Variants in CLNK observed in about 807,000 individuals in gnomAD.
CLNK encodes cytokine dependent hematopoietic cell linker, also known as cytokine-dependent hematopoietic cell linker.
In CLNK, 74 loss-of-function variants were observed where a neutral mutation model predicts 68.6. The ratio of observed to expected loss-of-function variants is 1.08; its 90% CI spans 0.89 to 1.31. The LOEUF is 1.31. CLNK is among the 50% of genes most tolerant of loss of function. CLNK has a pLI of 0.00. For missense variants in CLNK, 553 were observed against 515.3 expected, an observed-to-expected ratio of 1.07 and a Z score of -0.71; for synonymous variants, 198 against 172.2, an observed-to-expected ratio of 1.15 and a Z score of -1.17.
chr4:10,580,811 G>C (rs2108834352), intron 4 of CLNK, among the ~76,000 whole-genome samples: 1 of 152,192 alleles, frequency 6.6e-6, no homozygotes, highest in Non-Finnish European at 1.5e-5. Flanking sequence ...AATTGTAAAA[G>C]TTATGGTAAC....
chr4:10,591,001 C>A (rs536204856), intron 3 of CLNK, among the ~76,000 whole-genome samples: 2 of 152,072 alleles, frequency 1.3e-5, no homozygotes, highest in African/African-American at 4.8e-5. Flanking sequence ...GGAGTGCCAC[C>A]GAGTCTGTCT....
chr4:10,600,326 C>T (rs1174572020), intron 2 of CLNK, among the ~76,000 whole-genome samples: 1 of 152,190 alleles, frequency 6.6e-6, no homozygotes, highest in Non-Finnish European at 1.5e-5. Flanking sequence ...TATGGCCATT[C>T]ATTTCGTTTG....
chr4:10,617,227 C>T (rs1473573793), intron 2 of CLNK, among the ~76,000 whole-genome samples: 2 of 152,166 alleles, frequency 1.3e-5, no homozygotes, highest in African/African-American at 4.8e-5. Flanking sequence ...TAAGAAACCT[C>T]CTTATCCCTT....
chr4:10,541,879 G>GC (rs1719045257), intron 10 of CLNK, 143 bp downstream of exon 10: 3 of 554,654 alleles, frequency 5.4e-6, no homozygotes, highest in Non-Finnish European at 9.4e-6. Context: ...TCTCATATTA[G>GC]TTTTTTTTTT....
the CLNK span, among the ~76,000 whole-genome samples, chr4:10,698,301 T>C: frequency 5.6e-4 from 85 of 152,306 alleles, no homozygotes; most frequent in Non-Finnish European, 1.0e-3. Flanking sequence ...TTTATAAACA[T>C]GGTTAAGTTT....
intron 2 of CLNK, among the ~76,000 whole-genome samples, chr4:10,624,376 T>C (rs1440480088): frequency 6.6e-6 from 1 of 152,190 alleles, no homozygotes; most frequent in Non-Finnish European, 1.5e-5. Flanking sequence ...CACTGCAAGC[T>C]CCGCCTCCTG....
chr4:10,596,236 G>T (rs1721379839), intron 3 of CLNK, among the ~76,000 whole-genome samples: 1 of 152,032 alleles, frequency 6.6e-6, no homozygotes, highest in Admixed American at 6.6e-5. Context: ...TGTTGGTCAG[G>T]GTGGTCTCGA....
intron 1 of CLNK, among the ~76,000 whole-genome samples, chr4:10,674,853 G>A (rs1724807708): frequency 6.6e-6 from 1 of 152,140 alleles, no homozygotes; most frequent in African/African-American, 2.4e-5. Context: ...AGAACATGTG[G>A]TGTTTGGTTT....
At chr4:10,535,752 G>A (rs1718735371) in intron 11 of CLNK, among the ~76,000 whole-genome samples, 1 of 152,058 alleles carries the variant, frequency 6.6e-6, no homozygotes, top group Non-Finnish European at 1.5e-5. Context: ...ATTCCCCAGA[G>A]CTCAAAGTTT....
chr4:10,526,398 T>C (rs945456845), intron 13 of CLNK, among the ~76,000 whole-genome samples: 1 of 152,124 alleles, frequency 6.6e-6, no homozygotes, highest in African/African-American at 2.4e-5. Context: ...AAAATAAGCA[T>C]GCAAGTAAGT....
At chr4:10,584,768 T>C (rs1720911228) in intron 4 of CLNK, among the ~76,000 whole-genome samples, 159 bp downstream of exon 4, 2 of 152,178 alleles carry the variant, frequency 1.3e-5, no homozygotes, top group Non-Finnish European at 2.9e-5. Flanking sequence ...CAGATCAGGC[T>C]GTACCCTGGG....
At chr4:10,550,159 G>A (rs1719389347) in intron 8 of CLNK, among the ~76,000 whole-genome samples, 1 of 152,206 alleles carries the variant, frequency 6.6e-6, no homozygotes, top group African/African-American at 2.4e-5. Context: ...TAAACTTTCA[G>A]AAATTCTGTG....
the CLNK span, among the ~76,000 whole-genome samples, chr4:10,721,411 G>A: frequency 6.6e-6 from 1 of 152,128 alleles, no homozygotes; most frequent in African/African-American, 2.4e-5. Context: ...AATTTTAAAA[G>A]TTTATTGAAA....
At chr4:10,500,059 C>A (rs566321145) in intron 18 of CLNK, among the ~76,000 whole-genome samples, 1 of 152,290 alleles carries the variant, frequency 6.6e-6, no homozygotes, top group South Asian at 2.1e-4. Flanking sequence ...CCAGATAAAA[C>A]TGAGACCTGG....
At chr4:10,680,635 T>C (rs1725062121) in intron 1 of CLNK, among the ~76,000 whole-genome samples, 1 of 152,150 alleles carries the variant, frequency 6.6e-6, no homozygotes, top group Non-Finnish European at 1.5e-5. Context: ...GCCACTACCA[T>C]TTACTTTGTA....
At chr4:10,626,792 G>A (rs995215888) in intron 2 of CLNK, among the ~76,000 whole-genome samples, 3 of 152,134 alleles carry the variant, frequency 2.0e-5, no homozygotes, top group African/African-American at 7.2e-5. Context: ...TCACAGTTGC[G>A]GACATGTGTT....
intron 2 of CLNK, among the ~76,000 whole-genome samples, chr4:10,652,597 T>G (rs1723789601): frequency 6.6e-6 from 1 of 152,116 alleles, no homozygotes; most frequent in African/African-American, 2.4e-5. Context: ...AAGATGTTTT[T>G]CCCAAGCAGG....
rs114445737 is a variant in CLNK, at chr4:10,519,730, G to A, written c.772+1061C>T. On this transcript the variant is annotated intron_variant, in intron 15 of 18. Transcript: ENST00000226951. ...CGAGACAACCCATAGGCCTACTGAG[G>A]CCATTTGGGTGGGAAGAAGAAAAGA... 6.0e-3 allele frequency among the ~76,000 whole-genome samples: 906 copies of A among 152,234 alleles called. 10 individuals carry two copies. Among genetic ancestry groups the A allele is most frequent in the African/African-American group, 0.021 (856 of 41,540 alleles).
chr4:10,543,669 A>G (rs1664303687), intron 8 of CLNK, among the ~76,000 whole-genome samples: 1 of 152,240 alleles, frequency 6.6e-6, no homozygotes, highest in Admixed American at 6.5e-5. Context: ...AACACAATGC[A>G]ACACAGCACA....
Sources: allele counts gnomAD v4.1 joint callset (sites outside exome capture counted in the v4.1 genomes callset), GRCh38; gene constraint gnomAD v4.1.1; transcripts MANE v1.5; gene names NCBI Gene and HGNC (gene_info 2026-07-23, HGNC 2026-07-21).